Variants in GABBR2 observed in about 807,000 individuals in gnomAD.
The protein encoded by GABBR2 is gamma-aminobutyric acid type B receptor subunit 2.
In GABBR2, 23 loss-of-function variants were observed where a neutral mutation model predicts 105.6. That is an observed-to-expected ratio of 0.22 (90% CI 0.16 to 0.31). The LOEUF (loss-of-function observed/expected upper bound fraction) is 0.31, where lower values mean the gene tolerates loss of function less well. GABBR2 is among the 10% of genes least tolerant of loss of function. GABBR2 has a pLI of 1.00. For missense variants in GABBR2, 734 were observed against 1,245.5 expected (o/e 0.59, Z 6.18); for synonymous variants, 478 against 499.7 (o/e 0.96, Z 0.58).
intron 1 of GABBR2, among the ~76,000 whole-genome samples, chr9:98,684,643 G>A (rs942151956): frequency 1.3e-5 from 2 of 152,132 alleles, no homozygotes; most frequent in African/African-American, 4.8e-5. Flanking sequence ...TCTGGAAAGG[G>A]GGCTTGTGAT....
chr9:98,333,818 A>G (rs1420250533), intron 13 of GABBR2, among the ~76,000 whole-genome samples: 1 of 152,212 alleles, frequency 6.6e-6, no homozygotes. Flanking sequence ...CTAGCTCCAG[A>G]GTCTACTTGC....
chr9:98,311,370 C>T (rs1461946524), intron 13 of GABBR2, among the ~76,000 whole-genome samples, 165 bp from the exon 14 acceptor site: 1 of 152,184 alleles, frequency 6.6e-6, no homozygotes, highest in Non-Finnish European at 1.5e-5. Context: ...GAGCCCAGGC[C>T]TCAACTAGCG....
chr9:98,301,091 T>C (rs1436678462), intron 16 of GABBR2, among the ~76,000 whole-genome samples: 1 of 152,192 alleles, frequency 6.6e-6, no homozygotes, highest in Admixed American at 6.5e-5. Flanking sequence ...GGTAATAAGC[T>C]GGTAAATGTG....
At chr9:98,620,341 T>C (rs1829651684) in intron 1 of GABBR2, among the ~76,000 whole-genome samples, 1 of 151,796 alleles carries the variant, frequency 6.6e-6, no homozygotes, top group African/African-American at 2.4e-5. Context: ...ATATCAGGGA[T>C]TATCACCTAA....
At chr9:98,612,348 T>A (rs1262072895) in intron 1 of GABBR2, among the ~76,000 whole-genome samples, 1 of 152,164 alleles carries the variant, frequency 6.6e-6, no homozygotes, top group Non-Finnish European at 1.5e-5. Flanking sequence ...TATGCTTGGA[T>A]GCAACAGAAA....
chr9:98,479,517 C>T (rs1477540304), intron 5 of GABBR2, among the ~76,000 whole-genome samples: 1 of 152,186 alleles, frequency 6.6e-6, no homozygotes. Context: ...GCCTCACAGC[C>T]TCTCCCTTCT....
chr9:98,319,210 C>T (rs755070717), intron 13 of GABBR2, among the ~76,000 whole-genome samples: 4 of 152,180 alleles, frequency 2.6e-5, no homozygotes, highest in Non-Finnish European at 4.4e-5. Flanking sequence ...AAAGGAGGTG[C>T]GGTGTGACTC....
chr9:98,329,222 G>T (rs1830980146), intron 13 of GABBR2, among the ~76,000 whole-genome samples: 1 of 152,192 alleles, frequency 6.6e-6, no homozygotes. Flanking sequence ...AGTCACCAGG[G>T]TGTTTGTAGG....
chr9:98,487,937 A>AATGTATTCACAGGGTCCTTAAATGTATTC (rs1827094490), intron 4 of GABBR2, among the ~76,000 whole-genome samples: 1 of 152,214 alleles, frequency 6.6e-6, no homozygotes, highest in Non-Finnish European at 1.5e-5. Flanking sequence ...GCCAGGTGAT[A>AATGTATTCACAGGGTCCTTAAATGTATTC]ATGTATTCAC....
In GABBR2 at chr9:98,306,775, T is replaced by C. The variant is rs1325383343; in HGVS notation, c.2005-430A>G. On this transcript the variant is annotated intron_variant, in intron 14 of 18. Coordinates refer to ENST00000259455, the MANE Select transcript of GABBR2 (RefSeq NM_005458.8). This position sits in a 1 kb window ranked among gnomAD's most constrained non-coding sequence, Gnocchi z 5.4. The stretch of plus-strand genomic sequence containing the variant: ...TTTTTAGAAATTCACTCCAGTCTTT[T>C]TTCTATTAAACTAAGCAGATCCCTT... Among the ~76,000 whole-genome samples, 1 of 152,170 alleles carries C rather than the reference T, an allele frequency of 6.6e-6. No individual in the cohort carries two copies. Among genetic ancestry groups the C allele is most frequent in the African/African-American group, 2.4e-5 (1 of 41,418 alleles).
At chr9:98,317,010 G>C (rs1830729946) in intron 13 of GABBR2, among the ~76,000 whole-genome samples, 1 of 152,232 alleles carries the variant, frequency 6.6e-6, no homozygotes, top group African/African-American at 2.4e-5. Flanking sequence ...AATCGGAGGA[G>C]ACAGTGGGTG....
intron 1 of GABBR2, chr9:98,581,210 G>A (rs1039027752): frequency 2.0e-5 from 3 of 152,428 alleles, no homozygotes; most frequent in Non-Finnish European, 4.4e-5. Flanking sequence ...CTGGAAGAGG[G>A]AACACTTGAG....
chr9:98,361,917 C>T (rs547620127), intron 13 of GABBR2, among the ~76,000 whole-genome samples: 95 of 152,148 alleles, frequency 6.2e-4, no homozygotes, highest in Admixed American at 1.2e-3. Flanking sequence ...AAGGCTCTGC[C>T]CTCAGTGCAT....
Position 98,578,022 on chromosome 9 carries a change from C to A in GABBR2, c.372G>T (p.Gly124=). The part of the protein sequence containing the change: ...LKAFYDAIKY[G]PNHLMVFGGV... Reference sequence around the variant, plus strand: ...CTCCAAACACCATCAAGTGGTTAGGCCCGTATTTTATTGCATCGTAGAAGG... The same window carrying A: ...CTCCAAACACCATCAAGTGGTTAGGACCGTATTTTATTGCATCGTAGAAGG... The change falls in exon 2 of 19, where the codon GGG becomes GGT. Residue 124 remains glycine (G), a synonymous_variant. Coordinates refer to ENST00000259455, the MANE Select transcript of GABBR2 (RefSeq NM_005458.8). The A allele has an allele frequency of 1.2e-6, 2 of 1,613,946 alleles. No homozygotes were observed. Among genetic ancestry groups the A allele is most frequent in the Non-Finnish European group, 8.5e-7 (1 of 1,179,820 alleles).
At chr9:98,408,693 G>A (rs1185678499) in intron 7 of GABBR2, among the ~76,000 whole-genome samples, 1 of 152,228 alleles carries the variant, frequency 6.6e-6, no homozygotes, top group Non-Finnish European at 1.5e-5. Flanking sequence ...GATTAGGAGG[G>A]ATAGCAGAAA....
intron 3 of GABBR2, among the ~76,000 whole-genome samples, chr9:98,516,913 T>A (rs185218419): frequency 6.6e-6 from 1 of 152,340 alleles, no homozygotes; most frequent in African/African-American, 2.4e-5. Flanking sequence ...CAGACACTGG[T>A]ACAGGAGGGA....
chr9:98,484,288 C>T (rs1826993375), intron 4 of GABBR2, among the ~76,000 whole-genome samples: 1 of 152,076 alleles, frequency 6.6e-6, no homozygotes, highest in Admixed American at 6.5e-5. Context: ...TGGATGGGGC[C>T]CGTGGGATCC....
intron 1 of GABBR2, 63 bp from the exon 2 acceptor site, chr9:98,578,135 GC>G (rs1828947484): frequency 6.3e-7 from 1 of 1,575,290 alleles, no homozygotes. Context: ...AGGGGCATGA[GC>G]CCAACAAACA....
At chr9:98,577,894 CAA>C in intron 2 of GABBR2, 39 bp downstream of exon 2, 1 of 1,570,872 alleles carries the variant, frequency 6.4e-7, no homozygotes, top group Non-Finnish European at 8.6e-7. Context: ...GAGGGCCAAC[CAA>C]AGACACCTCC....
Sources: allele counts gnomAD v4.1 joint callset (sites outside exome capture counted in the v4.1 genomes callset), GRCh38; gene constraint gnomAD v4.1.1; non-coding constraint Gnocchi (gnomAD v3.1); transcripts MANE v1.5; gene names NCBI Gene and HGNC (gene_info 2026-07-23, HGNC 2026-07-21).